The following MGAT4C variants were observed in gnomAD, a reference collection of about 807,000 sequenced individuals.
The protein encoded by MGAT4C is alpha-1,3-mannosyl-glycoprotein 4-beta-N-acetylglucosaminyltransferase C.
Under a neutral mutation model 40.1 loss-of-function variants are expected in MGAT4C, and 19 were observed. The observed-to-expected ratio is 0.47, with a 90% CI of 0.33 to 0.70. The LOEUF is 0.70. Among genes scored for constraint, MGAT4C ranks in the 30% least tolerant of loss-of-function variants. MGAT4C has a pLI of 0.02. For synonymous variants in MGAT4C, 181 were observed against 187.1 expected (o/e 0.97, Z 0.27); for missense variants, 491 against 563.2 (o/e 0.87, Z 1.30).
chr12:86,336,303 C>T (rs1954791469), intron 3 of MGAT4C, among the ~76,000 whole-genome samples: 1 of 152,176 alleles, frequency 6.6e-6, no homozygotes, highest in African/African-American at 2.4e-5. Context: ...CCTTGTGTTT[C>T]AGTAGAGTTC....
At chr12:86,757,685 T>G (rs1951329652) in intron 1 of MGAT4C, among the ~76,000 whole-genome samples, 1 of 152,160 alleles carries the variant, frequency 6.6e-6, no homozygotes, top group African/African-American at 2.4e-5. Flanking sequence ...CTTAAAAATG[T>G]AAAGGGTTGT....
chr12:86,564,469 C>T (rs566949551), intron 2 of MGAT4C, among the ~76,000 whole-genome samples: 2 of 152,144 alleles, frequency 1.3e-5, no homozygotes, highest in Non-Finnish European at 2.9e-5. Context: ...AGATATCACA[C>T]TGGTCCATTA....
At chr12:86,673,707 C>A (rs1964321184) in intron 2 of MGAT4C, among the ~76,000 whole-genome samples, 1 of 152,048 alleles carries the variant, frequency 6.6e-6, no homozygotes, top group South Asian at 2.1e-4. Flanking sequence ...TAGTTATAAT[C>A]CTCATTTCAA....
chr12:86,492,216 A>C, intron 2 of MGAT4C, among the ~76,000 whole-genome samples: 1 of 152,180 alleles, frequency 6.6e-6, no homozygotes, highest in Non-Finnish European at 1.5e-5. Context: ...AAATGGCCAT[A>C]TTGCCCAAGG....
At chr12:86,271,634 A>C (rs1566248465) in intron 4 of MGAT4C, among the ~76,000 whole-genome samples, 1 of 152,228 alleles carries the variant, frequency 6.6e-6, no homozygotes, top group Non-Finnish European at 1.5e-5. Context: ...TTGATCCAGT[A>C]ATCTCATTAC....
At chr12:86,300,463 C>G (rs1953781254) in intron 4 of MGAT4C, among the ~76,000 whole-genome samples, 1 of 151,918 alleles carries the variant, frequency 6.6e-6, no homozygotes, top group Non-Finnish European at 1.5e-5. Flanking sequence ...CAAAATCTGT[C>G]TAGGTATATA....
chr12:86,803,608 C>T (rs541944857), intron 1 of MGAT4C, among the ~76,000 whole-genome samples: 4 of 148,298 alleles, frequency 2.7e-5, no homozygotes, highest in Admixed American at 1.3e-4. Context: ...GGGCGAAGGA[C>T]ATGAACAGAC....
At chr12:86,613,005 T>A (rs1424712406) in intron 2 of MGAT4C, among the ~76,000 whole-genome samples, 1 of 152,128 alleles carries the variant, frequency 6.6e-6, no homozygotes, top group Non-Finnish European at 1.5e-5. Flanking sequence ...ACCAAACTTG[T>A]TACTGAATGA....
chr12:86,066,822 G>T (rs933062429), intron 1 of MGAT4C, among the ~76,000 whole-genome samples: 2 of 151,984 alleles, frequency 1.3e-5, no homozygotes, highest in Non-Finnish European at 2.9e-5. Flanking sequence ...CTGACAAAGG[G>T]CTAATATCCA....
intron 2 of MGAT4C, among the ~76,000 whole-genome samples, chr12:86,685,318 T>C (rs567408040): frequency 1.3e-5 from 2 of 152,322 alleles, no homozygotes; most frequent in South Asian, 2.1e-4. Context: ...CTTGTTTTTA[T>C]CAGGTTTGTC....
chr12:86,308,824 A>G (rs76626984), intron 4 of MGAT4C, among the ~76,000 whole-genome samples: 2 of 150,462 alleles, frequency 1.3e-5, no homozygotes, highest in Admixed American at 1.3e-4. Context: ...CTTGATGTTT[A>G]CAAAAATTTT....
intron 2 of MGAT4C, among the ~76,000 whole-genome samples, chr12:86,461,530 C>A (rs1158981719): frequency 6.6e-6 from 1 of 152,136 alleles, no homozygotes; most frequent in Non-Finnish European, 1.5e-5. Flanking sequence ...CAGGCGTGAG[C>A]CACTGCGCCC....
chr12:86,245,739 A>G (rs1330150498), intron 1 of MGAT4C, among the ~76,000 whole-genome samples: 1 of 152,144 alleles, frequency 6.6e-6, no homozygotes, highest in African/African-American at 2.4e-5. Flanking sequence ...TTGTTTTTCA[A>G]ACTATTTTGG....
intron 1 of MGAT4C, among the ~76,000 whole-genome samples, chr12:86,836,960 T>C (rs946780445): frequency 2.0e-5 from 3 of 151,994 alleles, no homozygotes; most frequent in Non-Finnish European, 4.4e-5. Flanking sequence ...TTTTTAAAAA[T>C]AGAAAAGAGA....
chr12:86,332,203 T>C (rs1297283284), intron 4 of MGAT4C, among the ~76,000 whole-genome samples: 1 of 152,146 alleles, frequency 6.6e-6, no homozygotes, highest in Non-Finnish European at 1.5e-5. Flanking sequence ...CAGTAAAGAC[T>C]TTTGTCACGG....
chr12:86,694,487 G>A (rs1424779986), intron 2 of MGAT4C, among the ~76,000 whole-genome samples: 2 of 152,058 alleles, frequency 1.3e-5, no homozygotes, highest in African/African-American at 4.8e-5. Flanking sequence ...GAATTTTCTT[G>A]TAACAATTGC....
At chr12:86,787,583 A>G (rs1379095241) in intron 1 of MGAT4C, among the ~76,000 whole-genome samples, 3 of 152,140 alleles carry the variant, frequency 2.0e-5, no homozygotes, top group African/African-American at 4.8e-5. Flanking sequence ...ACCATCTCAT[A>G]CCAGCCAGAA....
In MGAT4C at chr12:86,512,560, C is replaced by CTT. The variant is rs1199406971; in HGVS notation, c.-228-77296_-228-77295insAA. Among the ~76,000 whole-genome samples, 280 of 152,092 alleles carry CTT rather than the reference C, an allele frequency of 1.8e-3. 1 individual carries two copies. Among genetic ancestry groups the CTT allele is most frequent in the Admixed American group, 2.7e-3 (41 of 15,272 alleles). ...TCCATTGATGTATAAACGGACAAAG[C>CTT]AAATGTGATATACATACAATGGAGT... On this transcript the variant is annotated intron_variant, in intron 2 of 7. Transcript: ENST00000548651.
At chr12:86,415,467 G>A (rs1221000897) in intron 3 of MGAT4C, among the ~76,000 whole-genome samples, 1 of 151,966 alleles carries the variant, frequency 6.6e-6, no homozygotes, top group African/African-American at 2.4e-5. Context: ...GAGTATCATG[G>A]ATATATGAAA....
Sources: gnomAD v4.1 joint callset for allele counts (sites outside exome capture counted in the v4.1 genomes callset) on GRCh38, gnomAD v4.1.1 for gene constraint, MANE v1.5 for transcripts, NCBI Gene and HGNC (gene_info 2026-07-23, HGNC 2026-07-21) for gene names.